KLRG2: variants seen among roughly 807,000 people sequenced by gnomAD.
KLRG2 encodes the protein killer cell lectin-like receptor subfamily G member 2.
In KLRG2, 39 loss-of-function variants were observed where a neutral mutation model predicts 35.4. That is an observed-to-expected ratio of 1.10 (90% CI 0.85 to 1.44). KLRG2 has a LOEUF of 1.44. Ranked by LOEUF, KLRG2 falls within the 40% of genes most tolerant of loss-of-function variation. The pLI is 0.00. For missense variants in KLRG2, 632 were observed against 570.9 expected (o/e 1.11, Z -1.09); for synonymous variants, 283 against 265.8 (o/e 1.06, Z -0.63).
the KLRG2 span, among the ~76,000 whole-genome samples, chr7:139,431,474 A>G: frequency 6.6e-6 from 1 of 152,042 alleles, no homozygotes; most frequent in Admixed American, 6.6e-5. Flanking sequence ...GTAGCTCAAA[A>G]TGTGGCTTCT....
intron 3 of KLRG2, among the ~76,000 whole-genome samples, chr7:139,477,583 C>A (rs189172485): frequency 6.6e-6 from 1 of 151,444 alleles, no homozygotes; most frequent in African/African-American, 2.4e-5. Context: ...GGATTGGGGG[C>A]GGGGGAAATG....
chr7:139,447,659 T>A, the KLRG2 span, among the ~76,000 whole-genome samples: 317 of 152,140 alleles, frequency 2.1e-3, 4 homozygotes, highest in African/African-American at 7.4e-3. Flanking sequence ...CACCTCGGCC[T>A]CCCAAAGTGC....
At position 139,459,958 on chromosome 7, in the gene KLRG2, G is replaced by A. The variant is rs1164514034; in HGVS notation, c.1006-5744C>T. ...GTAGAGACAGGGTTTCACCATGTTG[G>A]CGAGGATGGTCTTGATCTCTTGACC... On this transcript the variant is annotated intron_variant, in intron 3 of 4. Coordinates refer to ENST00000340940, the MANE Select transcript of KLRG2 (RefSeq NM_198508.4). Among the ~76,000 whole-genome samples the A allele has an allele frequency of 2.0e-5, 3 of 152,174 alleles. No individual in the cohort carries two copies. In the East Asian group the frequency reaches 5.8e-4, roughly 29 times the overall value.
chr7:139,477,974 G>A (rs936195323), intron 3 of KLRG2, among the ~76,000 whole-genome samples: 9 of 151,676 alleles, frequency 5.9e-5, no homozygotes, highest in African/African-American at 1.9e-4. Flanking sequence ...TAGCCAAGAT[G>A]GTCTCGATCT....
chr7:139,446,957 A>G, the KLRG2 span, among the ~76,000 whole-genome samples: 2 of 152,166 alleles, frequency 1.3e-5, no homozygotes, highest in African/African-American at 4.8e-5. Flanking sequence ...AAAATTAATT[A>G]ATTTAAAAAG....
At chr7:139,472,674 G>A (rs1447953843) in intron 3 of KLRG2, among the ~76,000 whole-genome samples, 2 of 152,134 alleles carry the variant, frequency 1.3e-5, no homozygotes, top group Non-Finnish European at 2.9e-5. Flanking sequence ...ATAGAGCTGA[G>A]AAAGCTCAGT....
At chr7:139,429,901 G>A in the KLRG2 span, among the ~76,000 whole-genome samples, 2 of 152,064 alleles carry the variant, frequency 1.3e-5, no homozygotes, top group Admixed American at 6.5e-5. Flanking sequence ...CCTCCCAGAC[G>A]GGGTGGCGGC....
Position 139,479,731 on chromosome 7 carries a change from C to T in KLRG2, c.901G>A (p.Glu301Lys), listed in dbSNP as rs371914784. The part of the protein sequence containing the change: ...QQCPPGWVLS[E>K]EHCYYFSAEA... Reference sequence around the variant, plus strand: ...GCAGAGAAGTAGTAACAGTGCTCCTCGGACAACACCCAGCCTGGGGGGCAC... The same window carrying T: ...GCAGAGAAGTAGTAACAGTGCTCCTTGGACAACACCCAGCCTGGGGGGCAC... The change falls in exon 3 of 5, where the codon GAG becomes AAG. Residue 301 changes from glutamate to lysine, a missense_variant. Glu to Lys is a moderately conservative substitution (Grantham distance 56). Coordinates refer to ENST00000340940, the MANE Select transcript of KLRG2 (RefSeq NM_198508.4). 55 of 1,613,940 alleles carry T rather than the reference C, an allele frequency of 3.4e-5. 1 individual carries two copies. The highest frequency in any genetic ancestry group is 2.0e-4 in the East Asian group (9 of 44,888).
rs200173177 is a variant in KLRG2 at position 139,453,691 on chromosome 7, C to T, written c.1126G>A (p.Glu376Lys). 6.4e-5 allele frequency: 104 copies of T among 1,613,954 alleles called. No individual in the cohort carries two copies. Among genetic ancestry groups the T allele is most frequent in the Middle Eastern group, 3.3e-4 (2 of 6,082 alleles). ...LPPQLLPEDG[E>K]DNLDINCGAL... ...CCACAGTTGATATCCAGATTGTCCT[C>T]GCCGTCCTCAGGGAGTCTGGGAAAG... Residue 376 changes from glutamate to lysine, a missense_variant, in exon 5 of 5, where the codon GAG (glutamate) becomes AAG (lysine). By Grantham distance (56) the Glu-to-Lys change is moderately conservative. Transcript: ENST00000340940.
chr7:139,467,141 T>C (rs1796673402), intron 3 of KLRG2, among the ~76,000 whole-genome samples: 1 of 152,164 alleles, frequency 6.6e-6, no homozygotes, highest in Non-Finnish European at 1.5e-5. Context: ...TCTCCCACTC[T>C]AGGTTCCCAT....
intron 3 of KLRG2, among the ~76,000 whole-genome samples, chr7:139,462,980 C>T (rs1380616215): frequency 6.6e-6 from 1 of 152,186 alleles, no homozygotes; most frequent in Non-Finnish European, 1.5e-5. Flanking sequence ...CGCTCCCCTA[C>T]CCTATAATCC....
intron 3 of KLRG2, among the ~76,000 whole-genome samples, chr7:139,459,217 A>T (rs1484474054): frequency 6.6e-6 from 1 of 152,310 alleles, no homozygotes; most frequent in Middle Eastern, 3.4e-3. Flanking sequence ...CATTGGCAAC[A>T]AGGAGTTCTA....
Position 139,457,217 on chromosome 7 carries a change from C to T in KLRG2, c.1006-3003G>A, listed in dbSNP as rs865831978. Among the ~76,000 whole-genome samples, 95 of 152,218 alleles carry T rather than the reference C, an allele frequency of 6.2e-4. 1 individual carries two copies. Among genetic ancestry groups the T allele is most frequent in the African/African-American group, 2.1e-3 (88 of 41,532 alleles). On this transcript the variant is annotated intron_variant, in intron 3 of 4. Transcript: ENST00000340940. ...TGGTGCTTCGGGGACACACTGGGGC[C>T]CAGGGTGGGGCTGGGCAGGGAAACT... is the stretch of plus-strand genomic sequence containing the variant.
intron 3 of KLRG2, among the ~76,000 whole-genome samples, chr7:139,460,974 A>G (rs1796558888): frequency 1.3e-5 from 2 of 148,956 alleles, no homozygotes; most frequent in South Asian, 4.3e-4. Flanking sequence ...ATTGAAAAAA[A>G]GAGGAGGTTG....
At chr7:139,429,480 G>A in the KLRG2 span, among the ~76,000 whole-genome samples, 1 of 151,544 alleles carries the variant, frequency 6.6e-6, no homozygotes, top group South Asian at 2.1e-4. Flanking sequence ...GCAGATAAGT[G>A]AACAAAGGTC....
chr7:139,483,083 G>T lies in KLRG2; in HGVS notation c.560C>A (p.Pro187Gln), dbSNP rs1432645341. The T allele has an allele frequency of 3.5e-6, 5 of 1,423,126 alleles. No homozygotes were observed. In the South Asian group the frequency reaches 7.4e-5, roughly 21 times the overall value. The allele number at this position is 1,423,126 out of a possible 1,614,324, so 88.2% of individuals were successfully genotyped here. Residue 187 changes from proline to glutamine, a missense_variant, in exon 1 of 5, where the codon CCG (proline) becomes CAG (glutamine). Transcript: ENST00000340940. ...GCTCTCCGTCCGGGCTGCAGCCAGCGGCGAGCGGCGGCCCCACGTGCCGCC... is the reference window on the plus strand; with the variant it reads ...GCTCTCCGTCCGGGCTGCAGCCAGCTGCGAGCGGCGGCCCCACGTGCCGCC... ...SQGGTWGRRS[P>Q]LAAARTESGC... is the part of the protein sequence containing the mutation.
chr7:139,446,336 G>GTT, the KLRG2 span, among the ~76,000 whole-genome samples: 922 of 92,004 alleles, frequency 0.01, 11 homozygotes, highest in Admixed American at 0.014. Flanking sequence ...ATTTTCCAGG[G>GTT]TTTTTTTTTT....
chr7:139,436,122 C>T, the KLRG2 span, among the ~76,000 whole-genome samples: 370 of 152,146 alleles, frequency 2.4e-3, no homozygotes, highest in South Asian at 0.016. Flanking sequence ...AGGCTGGTCT[C>T]GAACTCCTGA....
At chr7:139,432,435 CAG>C in the KLRG2 span, among the ~76,000 whole-genome samples, 1 of 151,736 alleles carries the variant, frequency 6.6e-6, no homozygotes, top group Non-Finnish European at 1.5e-5. Flanking sequence ...GAGACATTTA[CAG>C]AGTTTAAATT....
Sources: gnomAD v4.1 joint callset for allele counts (sites outside exome capture counted in the v4.1 genomes callset) on GRCh38, gnomAD v4.1.1 for gene constraint, MANE v1.5 for transcripts, NCBI Gene and HGNC (gene_info 2026-07-23, HGNC 2026-07-21) for gene names.